Variants in CSMD2 observed in about 807,000 individuals in gnomAD.
CSMD2 encodes CUB and Sushi multiple domains 2.
CSMD2 carries 130 observed loss-of-function variants against 398.5 expected under a neutral mutation model. The ratio of observed to expected loss-of-function variants is 0.33; its 90% CI spans 0.28 to 0.38. CSMD2 has a LOEUF of 0.38. CSMD2 is among the 10% of genes least tolerant of loss of function. The pLI is 1.00. For missense variants in CSMD2, 3,829 were observed against 4,764.9 expected (o/e 0.80, Z 5.78); for synonymous variants, 1,828 against 1,908.5 (o/e 0.96, Z 1.10).
chr1:34,018,809 A>G (rs187895915), intron 3 of CSMD2, among the ~76,000 whole-genome samples: 2 of 152,276 alleles, frequency 1.3e-5, no homozygotes, highest in East Asian at 3.9e-4. Flanking sequence ...TTCTCTTCCC[A>G]TTTTACATGA....
intron 24 of CSMD2, among the ~76,000 whole-genome samples, chr1:33,693,648 T>G (rs1355079028): frequency 6.6e-6 from 1 of 152,226 alleles, no homozygotes; most frequent in African/African-American, 2.4e-5. Flanking sequence ...TGAATGTTCA[T>G]AGCAACGTTA....
chr1:33,875,704 G>C (rs769922793), intron 5 of CSMD2: 1 of 152,176 alleles, frequency 6.6e-6, no homozygotes, highest in Non-Finnish European at 1.5e-5. Context: ...TAATTCTCTG[G>C]TTGGGTACTT....
At chr1:33,826,454 G>A (rs1460140851) in intron 6 of CSMD2, among the ~76,000 whole-genome samples, 1 of 152,192 alleles carries the variant, frequency 6.6e-6, no homozygotes, top group Non-Finnish European at 1.5e-5. Context: ...CAACATAGCT[G>A]CTCCCAGGAG....
At chr1:33,864,365 C>A (rs536153929) in intron 5 of CSMD2, 1 of 1,614,010 alleles carries the variant, frequency 6.2e-7, no homozygotes, top group African/African-American at 1.3e-5. Flanking sequence ...ATGAAAAGGC[C>A]AAATATGAAG....
rs2148883634 is a variant in CSMD2 at position 33,624,908 on chromosome 1, G to C, written c.5500+143C>G. On this transcript the variant is annotated intron_variant, in intron 34 of 70. Transcript: ENST00000373381. The surrounding 1 kb of genome is among the most constrained non-coding windows in gnomAD (Gnocchi z 4.7). ...GCCCACAGCGCCGGGGACTGGGGTT[G>C]ACTGGGACACCCCACCTCAGCCATG... The C allele has an allele frequency of 1.1e-6, 1 of 932,880 alleles. No individual in the cohort carries two copies. Among genetic ancestry groups the C allele is most frequent in the African/African-American group, 1.6e-5 (1 of 61,348 alleles). The allele number at this position is 932,880 out of a possible 1,614,324, so 57.8% of individuals were successfully genotyped here. A position where few individuals can be genotyped will look rare whatever the true frequency, so the allele number is the denominator to read the frequency against.
Position 33,518,040 on chromosome 1 carries a change from C to T in CSMD2, c.*53+1425G>A, listed in dbSNP as rs997406841. ...CATGCACAGGAGCGTGGGGAGGGAG[C>T]GCAACACTAGCCCTGGGTTTGGCTG... On this transcript the variant is annotated intron_variant, in intron 70 of 70. Coordinates refer to ENST00000373381, the MANE Select transcript of CSMD2 (RefSeq NM_001281956.2). The surrounding 1 kb of genome is among the most constrained non-coding windows in gnomAD (Gnocchi z 4.3). 1.1e-4 allele frequency among the ~76,000 whole-genome samples: 16 copies of T among 152,226 alleles called. No individual in the cohort carries two copies. Among genetic ancestry groups the T allele is most frequent in the Admixed American group, 3.9e-4 (6 of 15,286 alleles).
At chr1:34,085,065 T>C (rs1657700272) in intron 2 of CSMD2, among the ~76,000 whole-genome samples, 2 of 152,096 alleles carry the variant, frequency 1.3e-5, no homozygotes, top group Non-Finnish European at 2.9e-5. Context: ...AAATGATGAG[T>C]TCATGTCCTT....
At chr1:33,613,032 A>G (rs1641132956) in intron 40 of CSMD2, among the ~76,000 whole-genome samples, 1 of 152,166 alleles carries the variant, frequency 6.6e-6, no homozygotes, top group African/African-American at 2.4e-5. Flanking sequence ...TTCTGACTTG[A>G]ACTCCAAGGA....
At chr1:34,079,002 G>C (rs1297085177) in intron 2 of CSMD2, among the ~76,000 whole-genome samples, 4 of 152,028 alleles carry the variant, frequency 2.6e-5, no homozygotes, top group African/African-American at 9.7e-5. Context: ...CATTGCTTTA[G>C]TCCAGACTAC....
chr1:33,569,236 A>C (rs1350867776), intron 52 of CSMD2, 138 bp downstream of exon 52: 4 of 875,722 alleles, frequency 4.6e-6, no homozygotes, highest in Non-Finnish European at 6.6e-6. Flanking sequence ...CCTGATGGCC[A>C]ATAGTTGGTG....
chr1:33,519,380 C>G lies in CSMD2; in HGVS notation c.*53+85G>C, dbSNP rs368570386. 2.6e-6 allele frequency: 2 copies of G among 783,804 alleles called. No individual in the cohort carries two copies. The highest frequency in any genetic ancestry group is 4.2e-6 in the Non-Finnish European group (2 of 479,960). 48.6% of individuals were successfully genotyped at this position (783,804 alleles called of 1,614,324 possible). A position where few individuals can be genotyped will look rare whatever the true frequency, so the allele number is the denominator to read the frequency against. On this transcript the variant is annotated intron_variant, in intron 70 of 70. Transcript: ENST00000373381. The surrounding 1 kb of genome is among the most constrained non-coding windows in gnomAD (Gnocchi z 5.6). ...ACTGGGTGTGTCTATGTGGTGTGTGCGACTCCGTTGGGTGGAGCCCCTGGC... is the reference window on the plus strand; with the variant it reads ...ACTGGGTGTGTCTATGTGGTGTGTGGGACTCCGTTGGGTGGAGCCCCTGGC...
rs1277850906 is a variant in CSMD2, at chr1:33,514,089, C to T, written c.*2535G>A. ...TTCAGGAAAGTACCATAATGCAGGACCCCAGGGGGAAGCCTCATATACAGA... is the reference window on the plus strand; with the variant it reads ...TTCAGGAAAGTACCATAATGCAGGATCCCAGGGGGAAGCCTCATATACAGA... On this transcript the variant is annotated 3_prime_UTR_variant, in exon 71 of 71. Transcript: ENST00000373381. 6.6e-6 allele frequency: 1 copy of T among 152,536 alleles called. No individual in the cohort carries two copies. The allele number at this position is 152,536 out of a possible 1,614,324, so 9.4% of individuals were successfully genotyped here.
intron 5 of CSMD2, among the ~76,000 whole-genome samples, chr1:33,901,462 G>C (rs1372096136): frequency 6.6e-6 from 1 of 152,252 alleles, no homozygotes; most frequent in Non-Finnish European, 1.5e-5. Flanking sequence ...AAGAGTTCAT[G>C]TTGGGAGGAG....
intron 53 of CSMD2, among the ~76,000 whole-genome samples, chr1:33,562,230 C>T (rs759641380): frequency 6.6e-6 from 1 of 152,194 alleles, no homozygotes; most frequent in Non-Finnish European, 1.5e-5. Context: ...CAGGCTCTTA[C>T]CCACTGCTTC....
At chr1:33,555,118 G>C (rs1261524327) in intron 55 of CSMD2, among the ~76,000 whole-genome samples, 1 of 152,176 alleles carries the variant, frequency 6.6e-6, no homozygotes, top group Non-Finnish European at 1.5e-5. Context: ...TGATTCATGG[G>C]AGGAGGTCCA....
At chr1:33,964,795 G>A (rs1303918737) in intron 3 of CSMD2, among the ~76,000 whole-genome samples, 1 of 152,152 alleles carries the variant, frequency 6.6e-6, no homozygotes, top group Admixed American at 6.5e-5. Context: ...TTCAGCACCA[G>A]GTATATCTGG....
At chr1:33,626,925 G>C (rs1642163600) in intron 32 of CSMD2, among the ~76,000 whole-genome samples, 1 of 152,174 alleles carries the variant, frequency 6.6e-6, no homozygotes, top group African/African-American at 2.4e-5. Flanking sequence ...TGGAGCGACA[G>C]GGATGGAGAC....
intron 5 of CSMD2, among the ~76,000 whole-genome samples, chr1:33,881,137 A>G (rs746267852): frequency 6.6e-6 from 1 of 152,134 alleles, no homozygotes; most frequent in Non-Finnish European, 1.5e-5. Flanking sequence ...AAATAGATAC[A>G]AGCTGGGAAC....
At chr1:33,618,019 C>CAG (rs1243692813) in intron 37 of CSMD2, among the ~76,000 whole-genome samples, 7 of 151,514 alleles carry the variant, frequency 4.6e-5, no homozygotes, top group Non-Finnish European at 8.8e-5. Context: ...TGGGCTAAGA[C>CAG]AGAGAGACAG....
Sources: gnomAD v4.1 joint callset for allele counts (sites outside exome capture counted in the v4.1 genomes callset) on GRCh38, gnomAD v4.1.1 for gene constraint, Gnocchi (gnomAD v3.1) non-coding constraint, MANE v1.5 for transcripts, NCBI Gene and HGNC (gene_info 2026-07-23, HGNC 2026-07-21) for gene names.